Variants in ST6GALNAC3 observed in about 807,000 individuals in gnomAD.
ST6GALNAC3 encodes alpha-N-acetylgalactosaminide alpha-2,6-sialyltransferase 3.
Under a neutral mutation model 32.7 loss-of-function variants are expected in ST6GALNAC3, and 25 were observed. The ratio of observed to expected loss-of-function variants is 0.76; its 90% CI spans 0.56 to 1.07. ST6GALNAC3 has a LOEUF of 1.07. ST6GALNAC3 is among the 50% of genes least tolerant of loss of function. ST6GALNAC3 has a pLI of 0.00. For missense variants in ST6GALNAC3, 355 were observed against 382.4 expected (o/e 0.93, Z 0.60); for synonymous variants, 129 against 133.1 (o/e 0.97, Z 0.21).
At chr1:76,271,306 C>T (rs927432435) in intron 1 of ST6GALNAC3, among the ~76,000 whole-genome samples, 5 of 152,084 alleles carry the variant, frequency 3.3e-5, no homozygotes, top group Non-Finnish European at 7.4e-5. Context: ...ATCCGGTCTC[C>T]GTTTTGAAAT....
In ST6GALNAC3 at chr1:76,103,126, G is replaced by A. The variant is rs561435550; in HGVS notation, c.18+28242G>A. Among the ~76,000 whole-genome samples, 358 of 114,638 alleles carry A rather than the reference G, an allele frequency of 3.1e-3. 2 individuals are homozygous for A. Among genetic ancestry groups the A allele is most frequent in the Non-Finnish European group, 4.5e-3 (240 of 53,204 alleles). 75.2% of individuals were successfully genotyped at this position (114,638 alleles called of 152,430 possible). On this transcript the variant is annotated intron_variant, in intron 1 of 4. Transcript: ENST00000328299. ...TTTTAGTTTTTTTTTTTTTTTCTTT[G>A]TGGTTTTAGCAGTTTTATTGTAATT...
rs1390132047 is a variant in ST6GALNAC3, at chr1:76,386,416, A to G, written c.214-25592A>G. 2.0e-5 allele frequency among the ~76,000 whole-genome samples: 3 copies of G among 152,206 alleles called. No individual in the cohort carries two copies. In the East Asian group the frequency reaches 5.8e-4, roughly 29 times the overall value. On this transcript the variant is annotated intron_variant, in intron 2 of 4. Transcript: ENST00000328299. Reference sequence around the variant, plus strand: ...GGTACATGTATTAAGCATTCAGTAAATTATAGCAATTGCTATTATTGCGGT... The same window carrying G: ...GGTACATGTATTAAGCATTCAGTAAGTTATAGCAATTGCTATTATTGCGGT...
rs146121156 is a variant in ST6GALNAC3 at position 76,365,443 on chromosome 1, A to G, written c.214-46565A>G. On this transcript the variant is annotated intron_variant, in intron 2 of 4. Coordinates refer to ENST00000328299, the MANE Select transcript of ST6GALNAC3 (RefSeq NM_152996.4). ...CAACATTATGCAATATATCCATGTA[A>G]CAAACCTGCACGTTTACTTCCTGAA... Among the ~76,000 whole-genome samples, 520 of 152,352 alleles carry G rather than the reference A, an allele frequency of 3.4e-3. 1 individual carries two copies. Among genetic ancestry groups the G allele is most frequent in the African/African-American group, 0.012 (491 of 41,588 alleles).
At chr1:76,376,237 A>G (rs549345898) in intron 2 of ST6GALNAC3, among the ~76,000 whole-genome samples, 3 of 152,190 alleles carry the variant, frequency 2.0e-5, no homozygotes, top group Admixed American at 6.5e-5. Context: ...TTATGTGAGG[A>G]GTTTAATGTC....
chr1:76,398,038 G>A (rs994121144), intron 2 of ST6GALNAC3, among the ~76,000 whole-genome samples: 5 of 152,050 alleles, frequency 3.3e-5, no homozygotes, highest in Admixed American at 2.6e-4. Flanking sequence ...CCAGAACAGT[G>A]TAAAATAAAT....
rs531076936 is a variant in ST6GALNAC3 at position 76,160,218 on chromosome 1, G to A, written c.18+85334G>A. Among the ~76,000 whole-genome samples the A allele has an allele frequency of 2.6e-5, 4 of 152,318 alleles. No homozygotes were observed. In the South Asian group the frequency reaches 8.3e-4, roughly 32 times the overall value. Reference sequence around the variant, plus strand: ...AATGGCTAGTAATCCCAGAGGTCAAGAGTGGCAGGCAGTGGTTGGCTATTA... The same window carrying A: ...AATGGCTAGTAATCCCAGAGGTCAAAAGTGGCAGGCAGTGGTTGGCTATTA... On this transcript the variant is annotated intron_variant, in intron 1 of 4. Coordinates refer to ENST00000328299, the MANE Select transcript of ST6GALNAC3 (RefSeq NM_152996.4).
At chr1:76,621,429 G>A (rs565923969) in intron 3 of ST6GALNAC3, among the ~76,000 whole-genome samples, 2 of 152,162 alleles carry the variant, frequency 1.3e-5, no homozygotes, top group South Asian at 4.1e-4. Context: ...TTCAAGACAA[G>A]ACTGAGAATT....
intron 2 of ST6GALNAC3, among the ~76,000 whole-genome samples, chr1:76,352,497 CTT>C (rs397706056): frequency 3.5e-4 from 41 of 116,182 alleles, no homozygotes; most frequent in African/African-American, 5.1e-4. Flanking sequence ...TTTTGGTTTC[CTT>C]TTTTTTTTTT....
At chr1:76,476,778 A>T (rs940485783) in intron 3 of ST6GALNAC3, among the ~76,000 whole-genome samples, 3 of 152,172 alleles carry the variant, frequency 2.0e-5, no homozygotes, top group Non-Finnish European at 4.4e-5. Flanking sequence ...GCCCTTTATG[A>T]AAATGAGCAG....
At chr1:76,456,132 A>C (rs1657768462) in intron 3 of ST6GALNAC3, among the ~76,000 whole-genome samples, 1 of 152,198 alleles carries the variant, frequency 6.6e-6, no homozygotes, top group Admixed American at 6.5e-5. Context: ...AGATCATGAC[A>C]CTGCACTCCA....
chr1:76,090,702 T>G (rs1414275376), intron 1 of ST6GALNAC3, among the ~76,000 whole-genome samples: 1 of 152,214 alleles, frequency 6.6e-6, no homozygotes, highest in East Asian at 1.9e-4. Context: ...CTCTAGGGTC[T>G]TTTCAGGCCC....
intron 3 of ST6GALNAC3, among the ~76,000 whole-genome samples, chr1:76,549,294 C>T (rs1208627015): frequency 6.6e-6 from 1 of 152,124 alleles, no homozygotes; most frequent in East Asian, 1.9e-4. Context: ...GTCCGTGCTC[C>T]TGTCTTTCTG....
intron 3 of ST6GALNAC3, among the ~76,000 whole-genome samples, chr1:76,556,621 G>T (rs552412622): frequency 6.6e-6 from 1 of 152,092 alleles, no homozygotes; most frequent in Non-Finnish European, 1.5e-5. Flanking sequence ...TTCCTAGTTG[G>T]CTAATAATGT....
intron 3 of ST6GALNAC3, among the ~76,000 whole-genome samples, chr1:76,614,642 T>A (rs192163035): frequency 1.4e-5 from 2 of 139,966 alleles, no homozygotes; most frequent in African/African-American, 5.6e-5. Flanking sequence ...TGGTGTGAAC[T>A]TGGGAGACGG....
chr1:76,258,751 G>T (rs185258772), intron 1 of ST6GALNAC3, among the ~76,000 whole-genome samples: 1 of 152,268 alleles, frequency 6.6e-6, no homozygotes, highest in Non-Finnish European at 1.5e-5. Flanking sequence ...TGGAAAGAAG[G>T]ATCTGGCAAT....
intron 3 of ST6GALNAC3, among the ~76,000 whole-genome samples, chr1:76,545,811 C>T (rs113523677): frequency 9.2e-5 from 14 of 152,244 alleles, no homozygotes; most frequent in East Asian, 7.8e-4. Context: ...CATGCCCCCC[C>T]ACATCCAGCT....
chr1:76,433,081 C>T (rs1039378181), intron 3 of ST6GALNAC3, among the ~76,000 whole-genome samples: 1 of 152,058 alleles, frequency 6.6e-6, no homozygotes, highest in Admixed American at 6.6e-5. Context: ...CTCTGTATCT[C>T]TTTGTTCTTT....
chr1:76,325,949 C>G (rs1647060589), intron 2 of ST6GALNAC3, among the ~76,000 whole-genome samples: 1 of 151,880 alleles, frequency 6.6e-6, no homozygotes, highest in South Asian at 2.1e-4. Context: ...AAATTCACCT[C>G]TGTATGAATT....
At chr1:76,529,535 T>C (rs1213662280) in intron 3 of ST6GALNAC3, among the ~76,000 whole-genome samples, 1 of 152,182 alleles carries the variant, frequency 6.6e-6, no homozygotes, top group African/African-American at 2.4e-5. Context: ...CACTGTTATT[T>C]GAATGATATT....
Sources: gnomAD v4.1 joint callset for allele counts (sites outside exome capture counted in the v4.1 genomes callset) on GRCh38, gnomAD v4.1.1 for gene constraint, MANE v1.5 for transcripts, NCBI Gene and HGNC (gene_info 2026-07-23, HGNC 2026-07-21) for gene names.